PDS5B: variants seen among roughly 807,000 people sequenced by gnomAD.
The protein encoded by PDS5B is PDS5 cohesin associated factor B.
In PDS5B, 51 loss-of-function variants were observed where a neutral mutation model predicts 184.1. That is an observed-to-expected ratio of 0.28 (90% CI 0.22 to 0.35). The LOEUF (loss-of-function observed/expected upper bound fraction) is 0.35. PDS5B is among the 10% of genes least tolerant of loss of function. The pLI is 1.00. For missense variants in PDS5B, 1,180 were observed against 1,723.3 expected, an observed-to-expected ratio of 0.68 and a Z score of 5.58; for synonymous variants, 566 against 569.2, an observed-to-expected ratio of 0.99 and a Z score of 0.08.
At chr13:32,735,380 AT>A in intron 21 of PDS5B, 50 bp downstream of exon 21, 1 of 1,294,428 alleles carries the variant, frequency 7.7e-7, no homozygotes, top group Non-Finnish European at 1.1e-6. Context: ...AACTTTTGCA[AT>A]TTTATCCAAC....
At position 32,609,778 on chromosome 13, in the gene PDS5B, C is replaced by G. The variant is rs183766033; in HGVS notation, c.-20+23185C>G. Reference sequence around the variant, plus strand: ...GTTGGTCATGAAGAGTCCAAAGTGGCTGGGTGGCAGTCTCAGCTTACAGTA... The same window carrying G: ...GTTGGTCATGAAGAGTCCAAAGTGGGTGGGTGGCAGTCTCAGCTTACAGTA... On this transcript the variant is annotated intron_variant, in intron 1 of 34. Coordinates refer to ENST00000315596, the MANE Select transcript of PDS5B (RefSeq NM_015032.4). 6.6e-5 allele frequency among the ~76,000 whole-genome samples: 10 copies of G among 152,016 alleles called. No homozygotes were observed. The East Asian group carries it at 1.7e-3, about 26-fold the overall frequency.
chr13:32,668,177 T>C (rs1405522774), intron 7 of PDS5B, among the ~76,000 whole-genome samples: 3 of 152,174 alleles, frequency 2.0e-5, no homozygotes, highest in Non-Finnish European at 4.4e-5. Context: ...AACTTTTCAT[T>C]ATTCAGAGAC....
intron 19 of PDS5B, among the ~76,000 whole-genome samples, chr13:32,714,286 C>T (rs767837703): frequency 9.2e-5 from 14 of 152,172 alleles, no homozygotes; most frequent in East Asian, 3.9e-4. Context: ...TGAGATCAAC[C>T]GGTCTGACCA....
intron 1 of PDS5B, among the ~76,000 whole-genome samples, chr13:32,645,512 T>C (rs969318525): frequency 6.6e-6 from 1 of 152,218 alleles, no homozygotes; most frequent in African/African-American, 2.4e-5. Flanking sequence ...TTTTTTTCTT[T>C]CTTGAGTTAG....
chr13:32,775,192 T>TCACAGTTG lies in PDS5B; in HGVS notation c.*140_*141insCACAGTTG. On this transcript the variant is annotated 3_prime_UTR_variant, in exon 35 of 35. Coordinates refer to ENST00000315596, the MANE Select transcript of PDS5B (RefSeq NM_015032.4). Reference sequence around the variant, plus strand: ...AGTGGACAGTTGGACCTTACTTTGGTGACCCCATACATTTGTGGTCACATG... The same window carrying TCACAGTTG: ...AGTGGACAGTTGGACCTTACTTTGGTCACAGTTGGACCCCATACATTTGTGGTCACATG... 1.4e-6 allele frequency: 1 copy of TCACAGTTG among 698,242 alleles called. No individual in the cohort carries two copies. The highest frequency in any genetic ancestry group is 1.8e-5 in the South Asian group (1 of 55,264). 43.3% of individuals were successfully genotyped at this position (698,242 alleles called of 1,614,324 possible).
intron 1 of PDS5B, among the ~76,000 whole-genome samples, chr13:32,636,750 T>A (rs1566269561): frequency 6.6e-6 from 1 of 152,258 alleles, no homozygotes; most frequent in Non-Finnish European, 1.5e-5. Flanking sequence ...TCATATAGTT[T>A]ACAGTTCAGA....
At chr13:32,687,389 A>G (rs745578654) in intron 12 of PDS5B, 104 bp downstream of exon 12, 18 of 824,996 alleles carry the variant, frequency 2.2e-5, no homozygotes, top group Non-Finnish European at 3.1e-5. Context: ...CTCCTTCCTC[A>G]GTTTTTAGTG....
chr13:32,717,116 G>T (rs1381657734), intron 19 of PDS5B, among the ~76,000 whole-genome samples: 1 of 151,426 alleles, frequency 6.6e-6, no homozygotes, highest in Non-Finnish European at 1.5e-5. Context: ...GGAGGTGAGG[G>T]GCGCCTCTGC....
intron 1 of PDS5B, among the ~76,000 whole-genome samples, chr13:32,634,401 T>A (rs1227351865): frequency 6.6e-6 from 1 of 152,176 alleles, no homozygotes; most frequent in Admixed American, 6.5e-5. Flanking sequence ...TTTATTCCAA[T>A]TAGTATCATT....
At chr13:32,749,562 T>G (rs888975402) in intron 24 of PDS5B, among the ~76,000 whole-genome samples, 1 of 152,202 alleles carries the variant, frequency 6.6e-6, no homozygotes, top group Non-Finnish European at 1.5e-5. Flanking sequence ...TCTGTACTTC[T>G]GTGTGCTGTA....
intron 8 of PDS5B, 80 bp downstream of exon 8, chr13:32,673,436 T>C: frequency 8.7e-7 from 1 of 1,145,572 alleles, no homozygotes; most frequent in Non-Finnish European, 1.2e-6. Context: ...ATTTTTACAG[T>C]AGTTTTAACT....
intron 23 of PDS5B, among the ~76,000 whole-genome samples, chr13:32,744,191 A>G (rs1219105957): frequency 6.6e-6 from 1 of 152,138 alleles, no homozygotes; most frequent in Non-Finnish European, 1.5e-5. Context: ...TCATCTGTAA[A>G]ATGAGGATAA....
intron 24 of PDS5B, among the ~76,000 whole-genome samples, chr13:32,750,723 G>C (rs1953948446): frequency 6.6e-6 from 1 of 152,082 alleles, no homozygotes; most frequent in South Asian, 2.1e-4. Context: ...TGTATTTTCA[G>C]TAGAAACAGG....
Position 32,628,752 on chromosome 13 carries a change from T to G in PDS5B, c.-19-20002T>G, listed in dbSNP as rs150259910. Among the ~76,000 whole-genome samples the G allele has an allele frequency of 8.4e-3, 1,264 of 150,080 alleles. 18 individuals carry two copies. Among genetic ancestry groups the G allele is most frequent in the African/African-American group, 0.029 (1,195 of 41,272 alleles). On this transcript the variant is annotated intron_variant, in intron 1 of 34. Coordinates refer to ENST00000315596, the MANE Select transcript of PDS5B (RefSeq NM_015032.4). ...AATGCCTTTCCCACTCGTTAGTACA[T>G]TAATATTATTGGCTAACACTGTTAT...
At chr13:32,620,748 T>TG (rs2058288654) in intron 1 of PDS5B, among the ~76,000 whole-genome samples, 2 of 152,114 alleles carry the variant, frequency 1.3e-5, no homozygotes, top group Admixed American at 1.3e-4. Flanking sequence ...ACATGAAGAA[T>TG]GGTGGTGTTA....
chr13:32,645,505 T>A (rs920532453), intron 1 of PDS5B, among the ~76,000 whole-genome samples: 1 of 152,218 alleles, frequency 6.6e-6, no homozygotes, highest in Non-Finnish European at 1.5e-5. Context: ...TTAATCATTT[T>A]TTTCTTTCTT....
intron 1 of PDS5B, among the ~76,000 whole-genome samples, chr13:32,598,910 A>G (rs1400365961): frequency 6.6e-6 from 1 of 151,168 alleles, no homozygotes; most frequent in Non-Finnish European, 1.5e-5. Flanking sequence ...AGCTGGGACT[A>G]TAGGCGCCTG....
chr13:32,755,817 T>G (rs1217540314), intron 25 of PDS5B, 25 bp from the exon 26 acceptor site: 1 of 1,064,432 alleles, frequency 9.4e-7, no homozygotes, highest in South Asian at 1.6e-5. Flanking sequence ...TTTTTTTTTG[T>G]TTGTTTGTTT....
intron 1 of PDS5B, among the ~76,000 whole-genome samples, chr13:32,624,663 G>A (rs1291583130): frequency 6.6e-6 from 1 of 152,088 alleles, no homozygotes; most frequent in Admixed American, 6.6e-5. Flanking sequence ...CTCATGTTTT[G>A]TTGAGCTTGG....
Sources: allele counts gnomAD v4.1 joint callset (sites outside exome capture counted in the v4.1 genomes callset), GRCh38; gene constraint gnomAD v4.1.1; transcripts MANE v1.5; gene names NCBI Gene and HGNC (gene_info 2026-07-23, HGNC 2026-07-21).